Variants in LRRC69 observed in about 807,000 individuals in gnomAD.
The protein encoded by LRRC69 is leucine-rich repeat-containing protein 69.
In LRRC69, 42 loss-of-function variants were observed where a neutral mutation model predicts 37.8. The observed-to-expected ratio is 1.11, with a 90% CI of 0.87 to 1.44. The LOEUF (loss-of-function observed/expected upper bound fraction) is 1.44, where lower values mean the gene tolerates loss of function less well. Among genes scored for constraint, LRRC69 ranks in the 40% most tolerant of loss-of-function variants. The pLI is 0.00. For missense variants in LRRC69, 357 were observed against 401.9 expected (o/e 0.89, Z 0.96); for synonymous variants, 141 against 143.1 (o/e 0.99, Z 0.11).
chr8:91,170,113 T>G (rs1350833812), intron 5 of LRRC69, among the ~76,000 whole-genome samples: 14 of 116,302 alleles, frequency 1.2e-4, no homozygotes, highest in African/African-American at 3.8e-4. Context: ...ACTTCCACAA[T>G]GGTTGAACTA....
chr8:91,127,157 G>T, exon 3 of LRRC69: 1 of 1,548,186 alleles, frequency 6.5e-7, no homozygotes, highest in Non-Finnish European at 8.7e-7. Flanking sequence ...CAAGAAGTCA[G>T]CAGGTAATTT....
chr8:91,104,974 C>T (rs898000380), intron 1 of LRRC69, among the ~76,000 whole-genome samples: 4 of 151,978 alleles, frequency 2.6e-5, no homozygotes, highest in Non-Finnish European at 5.9e-5. Context: ...CCCTTTGTTA[C>T]TTGCCCTCTC....
chr8:91,120,251 G>A (rs1047736516), intron 1 of LRRC69, among the ~76,000 whole-genome samples: 1 of 151,910 alleles, frequency 6.6e-6, no homozygotes, highest in African/African-American at 2.4e-5. Flanking sequence ...CTTTAATTTT[G>A]TTTAGCCTTC....
intron 3 of LRRC69, among the ~76,000 whole-genome samples, chr8:91,127,627 A>T (rs1813742736): frequency 1.4e-5 from 2 of 144,238 alleles, no homozygotes; most frequent in African/African-American, 5.4e-5. Flanking sequence ...AAAAAAAAAA[A>T]AAAGGCTGTT....
chr8:91,150,203 A>G (rs1808706644), intron 5 of LRRC69, among the ~76,000 whole-genome samples: 1 of 151,908 alleles, frequency 6.6e-6, no homozygotes, highest in Non-Finnish European at 1.5e-5. Context: ...CCCATTCAGT[A>G]TGATATTGGC....
chr8:91,192,875 C>A (rs1809525141), intron 6 of LRRC69, among the ~76,000 whole-genome samples: 1 of 151,554 alleles, frequency 6.6e-6, no homozygotes, highest in Admixed American at 6.6e-5. Flanking sequence ...TCAATTTTGG[C>A]TTTTGTTGCC....
At chr8:91,172,264 G>C (rs1809147097) in intron 5 of LRRC69, among the ~76,000 whole-genome samples, 1 of 151,766 alleles carries the variant, frequency 6.6e-6, no homozygotes, top group African/African-American at 2.4e-5. Flanking sequence ...TATTCCCTTA[G>C]GAAATATATC....
At chr8:91,161,201 A>AT (rs920528526) in intron 5 of LRRC69, among the ~76,000 whole-genome samples, 2 of 151,096 alleles carry the variant, frequency 1.3e-5, no homozygotes, top group Non-Finnish European at 3.0e-5. Context: ...ATTTGCTACT[A>AT]TTTTTTTAAG....
chr8:91,116,125 ATGTATGTG>A (rs938239032), intron 1 of LRRC69, among the ~76,000 whole-genome samples: 1 of 152,010 alleles, frequency 6.6e-6, no homozygotes, highest in Non-Finnish European at 1.5e-5. Context: ...GTCAATATGT[ATGTATGTG>A]TGTATGTGTG....
intron 6 of LRRC69, among the ~76,000 whole-genome samples, chr8:91,190,591 G>A (rs959936360): frequency 4.6e-5 from 7 of 151,916 alleles, no homozygotes; most frequent in Non-Finnish European, 8.8e-5. Context: ...CTCAATTATT[G>A]TGAATAGCTT....
chr8:91,196,653 T>C (rs1257770255), intron 6 of LRRC69, among the ~76,000 whole-genome samples: 12 of 152,170 alleles, frequency 7.9e-5, no homozygotes, highest in African/African-American at 2.2e-4. Flanking sequence ...CTGAGGCTTC[T>C]GCATTCTTCC....
intron 3 of LRRC69, among the ~76,000 whole-genome samples, chr8:91,132,822 A>G (rs929980480): frequency 1.3e-5 from 2 of 151,978 alleles, no homozygotes; most frequent in African/African-American, 2.4e-5. Context: ...TGGCCAATGT[A>G]TATGTATAAA....
intron 5 of LRRC69, among the ~76,000 whole-genome samples, chr8:91,151,231 A>G (rs1340943754): frequency 6.7e-6 from 1 of 149,408 alleles, no homozygotes; most frequent in Non-Finnish European, 1.5e-5. Context: ...TTAGTGCTAT[A>G]AATTTCCCTC....
intron 5 of LRRC69, among the ~76,000 whole-genome samples, chr8:91,149,535 T>A (rs1443904835): frequency 6.6e-6 from 1 of 151,990 alleles, no homozygotes. Context: ...TCCAGCTTTG[T>A]TCTTTTGGTT....
chr8:91,139,115 T>G (rs1808478496), intron 5 of LRRC69: 1 of 151,932 alleles, frequency 6.6e-6, no homozygotes, highest in Admixed American at 6.6e-5. Context: ...ACAGAGAGAC[T>G]TTAGTTTCTT....
At position 91,128,746 on chromosome 8, in the gene LRRC69, T is replaced by G. The variant is rs374176176; in HGVS notation, c.383+1586T>G. ...GATGTTAGCTTTTATTATTATTGGT[T>G]GTTATTTTTATTCTAGCTTCTTTCT... is the stretch of plus-strand genomic sequence containing the variant. On this transcript the variant is annotated intron_variant, in intron 3 of 7. Coordinates refer to ENST00000448384, the Ensembl canonical transcript of LRRC69. 4.4e-3 allele frequency among the ~76,000 whole-genome samples: 676 copies of G among 152,178 alleles called. 1 individual carries two copies. Among genetic ancestry groups the G allele is most frequent in the African/African-American group, 0.015 (634 of 41,574 alleles).
chr8:91,165,743 G>A (rs1265309133), intron 5 of LRRC69, among the ~76,000 whole-genome samples: 1 of 151,890 alleles, frequency 6.6e-6, no homozygotes, highest in Non-Finnish European at 1.5e-5. Context: ...GAAGAAGTAT[G>A]ATGGGTGAAA....
intron 5 of LRRC69, among the ~76,000 whole-genome samples, chr8:91,156,163 T>C (rs956981621): frequency 1.3e-4 from 19 of 150,932 alleles, no homozygotes; most frequent in East Asian, 5.8e-4. Flanking sequence ...TATGTTCCCA[T>C]TTACAGTGTA....
chr8:91,172,501 T>A (rs1337310290), intron 5 of LRRC69, among the ~76,000 whole-genome samples: 1 of 152,012 alleles, frequency 6.6e-6, no homozygotes, highest in African/African-American at 2.4e-5. Context: ...CTATTTCCTC[T>A]GGTATAAACT....
Sources: gnomAD v4.1 joint callset for allele counts (sites outside exome capture counted in the v4.1 genomes callset) on GRCh38, gnomAD v4.1.1 for gene constraint, MANE v1.5 for transcripts, NCBI Gene and HGNC (gene_info 2026-07-23, HGNC 2026-07-21) for gene names.